The following RANBP2 variants were observed in gnomAD, a reference collection of about 807,000 sequenced individuals.
The protein encoded by RANBP2 is E3 SUMO-protein ligase RanBP2.
Under a neutral mutation model 303.6 loss-of-function variants are expected in RANBP2, and 57 were observed. The ratio of observed to expected loss-of-function variants is 0.19; its 90% confidence interval spans 0.15 to 0.23. The LOEUF (loss-of-function observed/expected upper bound fraction) is 0.23. RANBP2 is among the 10% of genes least tolerant of loss of function. RANBP2 has a pLI of 1.00. For synonymous variants in RANBP2, 1,167 were observed against 1,301.5 expected, an observed-to-expected ratio of 0.90 and a Z score of 2.23; for missense variants, 3,138 against 3,780.8, an observed-to-expected ratio of 0.83 and a Z score of 4.46.
the RANBP2 span, among the ~76,000 whole-genome samples, chr2:109,122,939 T>C: frequency 1.3e-5 from 2 of 152,248 alleles, no homozygotes; most frequent in African/African-American, 4.8e-5. Flanking sequence ...TTTAACACCA[T>C]AGTGTTTAAT....
chr2:109,585,172 TG>T, the RANBP2 span: 1 of 1,609,022 alleles, frequency 6.2e-7, no homozygotes, highest in Non-Finnish European at 8.5e-7. Flanking sequence ...GTATTCACAA[TG>T]GTCAATTTCA....
At chr2:109,238,947 G>T in the RANBP2 span, among the ~76,000 whole-genome samples, 1 of 152,158 alleles carries the variant, frequency 6.6e-6, no homozygotes, top group Non-Finnish European at 1.5e-5. Flanking sequence ...AGATGAGAGG[G>T]CCCTTCAGTT....
At chr2:109,158,708 T>C in the RANBP2 span, among the ~76,000 whole-genome samples, 1 of 152,258 alleles carries the variant, frequency 6.6e-6, no homozygotes, top group African/African-American at 2.4e-5. Context: ...GATGTAATTA[T>C]GCCACATCAT....
At chr2:109,648,098 T>C in the RANBP2 span, among the ~76,000 whole-genome samples, 2 of 152,130 alleles carry the variant, frequency 1.3e-5, no homozygotes, top group Admixed American at 6.5e-5. Context: ...GTGGCCAAGG[T>C]TGGCTTCACT....
At chr2:109,680,997 T>A in the RANBP2 span, among the ~76,000 whole-genome samples, 1 of 152,208 alleles carries the variant, frequency 6.6e-6, no homozygotes, top group Non-Finnish European at 1.5e-5. Flanking sequence ...GAAAGACATG[T>A]ACAAGAATAC....
At chr2:109,104,597 C>T in the RANBP2 span, among the ~76,000 whole-genome samples, 5 of 152,014 alleles carry the variant, frequency 3.3e-5, no homozygotes, top group African/African-American at 1.2e-4. Flanking sequence ...CATTCTCCTG[C>T]CTCAGCCTCC....
At chr2:109,155,052 C>T in the RANBP2 span, among the ~76,000 whole-genome samples, 1 of 152,184 alleles carries the variant, frequency 6.6e-6, no homozygotes, top group Non-Finnish European at 1.5e-5. Flanking sequence ...CTGGTGTGCT[C>T]ATGGAAGCTG....
the RANBP2 span, chr2:109,490,906 G>T: frequency 5.9e-6 from 9 of 1,514,820 alleles, no homozygotes; most frequent in African/African-American, 5.5e-5. Flanking sequence ...GCTGCCATCC[G>T]CCCCGAGCCC....
At chr2:109,023,722 T>C in the RANBP2 span, among the ~76,000 whole-genome samples, 4 of 152,266 alleles carry the variant, frequency 2.6e-5, no homozygotes, top group Non-Finnish European at 5.9e-5. Context: ...GGCAGGAGAA[T>C]TGCTTGAGCC....
the RANBP2 span, chr2:109,432,764 C>T: frequency 1.1e-5 from 16 of 1,469,350 alleles, no homozygotes; most frequent in East Asian, 4.8e-5. Context: ...CTCTGTCAGC[C>T]GGGCCCAGAA....
the RANBP2 span, among the ~76,000 whole-genome samples, chr2:109,558,579 G>C: frequency 6.6e-6 from 1 of 152,166 alleles, no homozygotes; most frequent in East Asian, 1.9e-4. Context: ...GTTAAGATCA[G>C]TTAATTAAAC....
At chr2:109,211,988 T>C in the RANBP2 span, among the ~76,000 whole-genome samples, 1 of 152,346 alleles carries the variant, frequency 6.6e-6, no homozygotes, top group Admixed American at 6.5e-5. Context: ...TGAATGTGAA[T>C]GCCACTGAAT....
At chr2:109,624,390 G>C in the RANBP2 span, among the ~76,000 whole-genome samples, 1 of 152,158 alleles carries the variant, frequency 6.6e-6, no homozygotes, top group Non-Finnish European at 1.5e-5. Context: ...CCATTATTCT[G>C]AACCATGACA....
the RANBP2 span, among the ~76,000 whole-genome samples, chr2:109,032,834 CCA>C: frequency 6.6e-6 from 1 of 152,212 alleles, no homozygotes; most frequent in Admixed American, 6.5e-5. Context: ...TCGCCTAATT[CCA>C]CACAGAGTTT....
chr2:109,241,080 A>G, the RANBP2 span, among the ~76,000 whole-genome samples: 1 of 152,234 alleles, frequency 6.6e-6, no homozygotes, highest in Non-Finnish European at 1.5e-5. Flanking sequence ...AAGTGGCCTT[A>G]GTAGTAAGCT....
the RANBP2 span, among the ~76,000 whole-genome samples, chr2:109,436,357 G>C: frequency 2.0e-5 from 3 of 152,172 alleles, no homozygotes; most frequent in African/African-American, 7.2e-5. Context: ...TGGAAACTTC[G>C]GAGTGAAAGG....
rs756921581 is a variant in RANBP2, at chr2:108,749,001, A to G, written c.1145A>G (p.Gln382Arg). Residue 382 changes from glutamine (Q) to arginine (R), a missense_variant, in exon 9 of 29, where the codon CAG (glutamine) becomes CGG (arginine). Physicochemically the swap from Gln to Arg is conservative, Grantham distance 43. Coordinates refer to ENST00000283195, the MANE Select transcript of RANBP2 (RefSeq NM_006267.5). ...IVETFANKSG[Q>R]SALYDALFSS... Reference sequence around the variant, plus strand: ...GAAACTTTTGCCAACAAAAGCGGGCAGTCTGCATTATATGATGCTCTGTTT... The same window carrying G: ...GAAACTTTTGCCAACAAAAGCGGGCGGTCTGCATTATATGATGCTCTGTTT... 15 of 1,611,898 alleles carry G rather than the reference A, an allele frequency of 9.3e-6. No homozygotes were observed. The highest frequency in any genetic ancestry group is 1.2e-5 in the Non-Finnish European group (14 of 1,179,878).
the RANBP2 span, among the ~76,000 whole-genome samples, chr2:109,335,955 A>G: frequency 2.0e-5 from 3 of 152,218 alleles, no homozygotes; most frequent in South Asian, 2.1e-4. Flanking sequence ...GGAGTGGGAT[A>G]TGTCGGTGAG....
the RANBP2 span, among the ~76,000 whole-genome samples, chr2:109,277,086 C>T: frequency 1.3e-5 from 2 of 152,162 alleles, no homozygotes; most frequent in Non-Finnish European, 2.9e-5. Flanking sequence ...AGCCCCACGC[C>T]GGCGGTCCCT....
Sources: gnomAD v4.1 joint callset for allele counts (sites outside exome capture counted in the v4.1 genomes callset) on GRCh38, gnomAD v4.1.1 for gene constraint, MANE v1.5 for transcripts, NCBI Gene and HGNC (gene_info 2026-07-23, HGNC 2026-07-21) for gene names.